Variants in PSD2 observed in about 807,000 individuals in gnomAD.
PSD2 encodes PH and SEC7 domain-containing protein 2.
Under a neutral mutation model 69.8 loss-of-function variants are expected in PSD2, and 38 were observed. That is an observed-to-expected ratio of 0.54 (90% CI 0.42 to 0.71). The LOEUF (loss-of-function observed/expected upper bound fraction) is 0.71, where lower values mean the gene tolerates loss of function less well. Ranked by LOEUF, PSD2 falls within the 30% of genes least tolerant of loss-of-function variation. The pLI is 0.00. For synonymous variants in PSD2, 412 were observed against 423.0 expected (o/e 0.97, Z 0.32); for missense variants, 943 against 1,014.5 (o/e 0.93, Z 0.96).
chr5:139,813,301 T>A lies in PSD2; in HGVS notation c.372-8T>A, dbSNP rs1760019482. On this transcript the variant is annotated splice_polypyrimidine_tract_variant and splice_region_variant and intron_variant, in intron 2 of 14. Coordinates refer to ENST00000274710, the MANE Select transcript of PSD2 (RefSeq NM_032289.4). ...GCAGGATGGTGACTGGCTCCTTGCA[T>A]CCCACAGGTTGGATGGTCCCGGGGA... 7 of 1,526,480 alleles carry A rather than the reference T, an allele frequency of 4.6e-6. No individual in the cohort carries two copies. The highest frequency in any genetic ancestry group is 6.2e-6 in the Non-Finnish European group (7 of 1,134,036). 94.6% of individuals were successfully genotyped at this position (1,526,480 alleles called of 1,614,324 possible).
chr5:139,822,140 G>GGATGCCAATGCCA, intron 6 of PSD2, 135 bp downstream of exon 6: 1 of 554,360 alleles, frequency 1.8e-6, no homozygotes, highest in Non-Finnish European at 3.3e-6. Context: ...GCATGCAGTA[G>GGATGCCAATGCCA]GTGCTCAATG....
intron 4 of PSD2, among the ~76,000 whole-genome samples, chr5:139,816,972 C>T (rs1165018501): frequency 6.6e-6 from 1 of 152,222 alleles, no homozygotes; most frequent in Non-Finnish European, 1.5e-5. Context: ...CTAAATTTCT[C>T]TTTTCCCCAT....
intron 4 of PSD2, among the ~76,000 whole-genome samples, chr5:139,816,761 CG>C (rs1760130986): frequency 6.6e-6 from 1 of 152,210 alleles, no homozygotes; most frequent in Non-Finnish European, 1.5e-5. Context: ...CACCCCGATT[CG>C]GGGCTCTGGG....
intron 6 of PSD2, 76 bp downstream of exon 6, chr5:139,822,081 A>C: frequency 4.4e-6 from 4 of 913,564 alleles, no homozygotes; most frequent in Non-Finnish European, 6.9e-6. Flanking sequence ...ATCCTGGTCC[A>C]CCTGGCACTT....
At chr5:139,782,542 G>A in the PSD2 span, among the ~76,000 whole-genome samples, 2 of 148,802 alleles carry the variant, frequency 1.3e-5, no homozygotes, top group African/African-American at 5.0e-5. Flanking sequence ...GCCCAGGCTG[G>A]AGTGCAGTGG....
At chr5:139,756,215 G>A in the PSD2 span, among the ~76,000 whole-genome samples, 1 of 152,082 alleles carries the variant, frequency 6.6e-6, no homozygotes, top group African/African-American at 2.4e-5. Flanking sequence ...ACAACGGCTC[G>A]GACTGCCGCT....
intron 8 of PSD2, among the ~76,000 whole-genome samples, chr5:139,834,282 T>C (rs1273210002): frequency 3.9e-5 from 6 of 152,026 alleles, no homozygotes; most frequent in Non-Finnish European, 4.4e-5. Flanking sequence ...GATGGGCTCA[T>C]TTTTATTATT....
upstream of PSD2, among the ~76,000 whole-genome samples, chr5:139,791,190 G>A (rs1423629500): frequency 1.3e-5 from 2 of 152,142 alleles, no homozygotes; most frequent in Non-Finnish European, 2.9e-5. Flanking sequence ...AGCACTTTGG[G>A]AAGCCAAGGC....
intron 5 of PSD2, among the ~76,000 whole-genome samples, chr5:139,821,657 C>T (rs779238934): frequency 2.6e-5 from 4 of 152,136 alleles, no homozygotes; most frequent in Non-Finnish European, 4.4e-5. Flanking sequence ...TCAGAAGGTC[C>T]CTGGAGGGCA....
the PSD2 span, among the ~76,000 whole-genome samples, chr5:139,774,077 C>T: frequency 1.3e-5 from 2 of 152,084 alleles, no homozygotes; most frequent in Non-Finnish European, 2.9e-5. Flanking sequence ...CCTCCCACCT[C>T]AGCCTCCTAA....
intron 7 of PSD2, among the ~76,000 whole-genome samples, chr5:139,830,838 T>TC (rs1237614623): frequency 1.4e-5 from 2 of 145,426 alleles, no homozygotes; most frequent in Non-Finnish European, 3.0e-5. Flanking sequence ...TTTTTTTTTT[T>TC]TTTTTTTATT....
In PSD2 at chr5:139,838,719, A is replaced by G; in HGVS notation, c.1915A>G (p.Met639Val). 1.2e-6 allele frequency: 2 copies of G among 1,613,910 alleles called. No individual in the cohort carries two copies. The highest frequency in any genetic ancestry group is 1.7e-4 in the Middle Eastern group (1 of 5,992). The change falls in exon 13 of 15, where the codon ATG becomes GTG. Residue 639 changes from methionine (M) to valine (V), a missense_variant. Coordinates refer to ENST00000274710, the MANE Select transcript of PSD2 (RefSeq NM_032289.4). ...GGCCTTCCCAGCCGCTGTCAGCTCCATGAAGAAGTTCTGTCGGCCCCTGCT... is the reference window on the plus strand; with the variant it reads ...GGCCTTCCCAGCCGCTGTCAGCTCCGTGAAGAAGTTCTGTCGGCCCCTGCT... Reference protein sequence around the residue: ...APAFPAAVSSMKKFCRPLLPS... With the variant: ...APAFPAAVSSVKKFCRPLLPS...
At chr5:139,812,911 T>G (rs1239835931) in intron 2 of PSD2, among the ~76,000 whole-genome samples, 1 of 151,362 alleles carries the variant, frequency 6.6e-6, no homozygotes, top group Non-Finnish European at 1.5e-5. Context: ...TGGGCAGGAG[T>G]GTGAGTATGT....
the PSD2 span, among the ~76,000 whole-genome samples, chr5:139,752,032 A>G: frequency 2.1e-4 from 32 of 151,868 alleles, no homozygotes; most frequent in African/African-American, 6.5e-4. Context: ...ACCTCAGGTA[A>G]TCTTCTCACC....
chr5:139,790,481 G>A, the PSD2 span, among the ~76,000 whole-genome samples: 1 of 151,928 alleles, frequency 6.6e-6, no homozygotes, highest in South Asian at 2.1e-4. Context: ...ACTGAGCCCT[G>A]GGAGCTCTGG....
At chr5:139,820,367 C>T (rs955781377) in intron 5 of PSD2, among the ~76,000 whole-genome samples, 33 of 151,568 alleles carry the variant, frequency 2.2e-4, no homozygotes, top group Non-Finnish European at 3.4e-4. Flanking sequence ...GAGAAGAGAA[C>T]GGGAGCAAGA....
chr5:139,798,793 C>T (rs1166147111), intron 1 of PSD2, among the ~76,000 whole-genome samples: 1 of 152,166 alleles, frequency 6.6e-6, no homozygotes, highest in Non-Finnish European at 1.5e-5. Flanking sequence ...TTATCATACC[C>T]AAGAAGTTTA....
upstream of PSD2, among the ~76,000 whole-genome samples, chr5:139,791,250 C>T (rs1487510360): frequency 2.6e-5 from 4 of 151,862 alleles, no homozygotes; most frequent in East Asian, 1.9e-4. Flanking sequence ...GGCAACATGG[C>T]GAAACTCCAT....
At chr5:139,830,470 T>C (rs370113464) in intron 7 of PSD2, among the ~76,000 whole-genome samples, 1 of 150,820 alleles carries the variant, frequency 6.6e-6, no homozygotes, top group South Asian at 2.1e-4. Context: ...CTCACCTCAG[T>C]CTCCTGAGTA....
Sources: allele counts gnomAD v4.1 joint callset (sites outside exome capture counted in the v4.1 genomes callset), GRCh38; gene constraint gnomAD v4.1.1; transcripts MANE v1.5; gene names NCBI Gene and HGNC (gene_info 2026-07-23, HGNC 2026-07-21).